HPSE2: variants seen among roughly 807,000 people sequenced by gnomAD.
The protein encoded by HPSE2 is inactive heparanase-2.
In HPSE2, 38 loss-of-function variants were observed where a neutral mutation model predicts 60.5. That is an observed-to-expected ratio of 0.63 (90% confidence interval 0.48 to 0.82). The LOEUF (loss-of-function observed/expected upper bound fraction) is 0.82, where lower values mean the gene tolerates loss of function less well. HPSE2 is among the 40% of genes least tolerant of loss of function. The pLI, the probability that HPSE2 is intolerant of heterozygous loss-of-function variation, is 0.00. For missense variants in HPSE2, 713 were observed against 740.4 expected, an observed-to-expected ratio of 0.96 and a Z score of 0.43; for synonymous variants, 295 against 293.2, an observed-to-expected ratio of 1.01 and a Z score of -0.06.
chr10:98,542,231 C>T (rs1480692944), intron 9 of HPSE2, among the ~76,000 whole-genome samples: 3 of 151,994 alleles, frequency 2.0e-5, no homozygotes, highest in Non-Finnish European at 4.4e-5. Flanking sequence ...CTGGAGTGGA[C>T]CTCTAGCAAA....
rs567638881 is a variant in HPSE2, at chr10:98,709,098, T to C, written c.956+12559A>G. Among the ~76,000 whole-genome samples, 3 of 152,366 alleles carry C rather than the reference T, an allele frequency of 2.0e-5. 1 individual carries two copies. Among genetic ancestry groups the C allele is most frequent in the Admixed American group, 2.0e-4 (3 of 15,296 alleles). ...CCAAAAAGATCATTATTTTCTTTGT[T>C]CAAATCTAACATTGATAGATTGTTC... On this transcript the variant is annotated intron_variant, in intron 5 of 11. Coordinates refer to ENST00000370552, the MANE Select transcript of HPSE2 (RefSeq NM_021828.5).
the HPSE2 span, among the ~76,000 whole-genome samples, chr10:99,280,569 C>T: frequency 2.6e-5 from 4 of 152,204 alleles, no homozygotes; most frequent in East Asian, 7.7e-4. Flanking sequence ...CTTTCCTAGA[C>T]TCTTAAGGAC....
At chr10:98,624,477 G>C (rs75670410) in intron 7 of HPSE2, among the ~76,000 whole-genome samples, 1,547 of 152,184 alleles carry the variant, frequency 0.01, 32 homozygotes, top group African/African-American at 0.035. Flanking sequence ...TTAAAAATGA[G>C]GTCAGAGAAG....
chr10:98,636,384 T>C (rs367774375), intron 7 of HPSE2, among the ~76,000 whole-genome samples: 1 of 151,998 alleles, frequency 6.6e-6, no homozygotes, highest in Non-Finnish European at 1.5e-5. Flanking sequence ...GGATTACATG[T>C]GCCTGCCACC....
At chr10:98,628,499 A>G (rs1006805719) in intron 7 of HPSE2, among the ~76,000 whole-genome samples, 4 of 152,216 alleles carry the variant, frequency 2.6e-5, no homozygotes, top group East Asian at 3.8e-4. Flanking sequence ...TGATGTGCCA[A>G]TGAAGGTTAT....
At chr10:98,994,492 G>C (rs146271252) in intron 3 of HPSE2, among the ~76,000 whole-genome samples, 2 of 151,976 alleles carry the variant, frequency 1.3e-5, no homozygotes, top group Non-Finnish European at 2.9e-5. Flanking sequence ...GGCATCATAG[G>C]CAAGTAGCTA....
At chr10:98,703,883 C>T (rs921809582) in intron 5 of HPSE2, among the ~76,000 whole-genome samples, 1 of 152,180 alleles carries the variant, frequency 6.6e-6, no homozygotes, top group Non-Finnish European at 1.5e-5. Context: ...TCTCTCACCA[C>T]TCCTATTCAA....
At chr10:98,600,907 G>GTA (rs1399673130) in intron 9 of HPSE2, among the ~76,000 whole-genome samples, 706 of 20,518 alleles carry the variant, frequency 0.034, 12 homozygotes, top group East Asian at 0.1. Context: ...ATATATGTGT[G>GTA]TGTGTATATA....
intron 3 of HPSE2, among the ~76,000 whole-genome samples, chr10:98,906,798 G>T (rs1564646861): frequency 6.6e-6 from 1 of 151,990 alleles, no homozygotes; most frequent in African/African-American, 2.4e-5. Flanking sequence ...CAGCTACTTG[G>T]GAGGCTGAGG....
At chr10:98,789,256 G>A (rs1950603374) in intron 3 of HPSE2, among the ~76,000 whole-genome samples, 2 of 152,282 alleles carry the variant, frequency 1.3e-5, no homozygotes, top group Admixed American at 6.5e-5. Flanking sequence ...AGTACTACGG[G>A]GAACTGTGAA....
chr10:98,928,915 C>T (rs1954563807), intron 3 of HPSE2, among the ~76,000 whole-genome samples: 1 of 139,548 alleles, frequency 7.2e-6, no homozygotes, highest in South Asian at 2.2e-4. Flanking sequence ...GTGCAGCGCA[C>T]CAGCATAGCA....
chr10:98,864,026 A>T (rs1317705851), intron 3 of HPSE2, among the ~76,000 whole-genome samples: 6 of 152,144 alleles, frequency 3.9e-5, no homozygotes, highest in African/African-American at 1.4e-4. Flanking sequence ...TTTGTGTGTA[A>T]ATGAATTAAA....
chr10:98,470,147 G>A (rs1036124376), intron 11 of HPSE2, among the ~76,000 whole-genome samples: 7 of 145,028 alleles, frequency 4.8e-5, no homozygotes, highest in East Asian at 4.1e-4. Context: ...GTTAACACAC[G>A]TTTTAAACAT....
At chr10:98,557,327 A>G (rs1046888098) in intron 9 of HPSE2, among the ~76,000 whole-genome samples, 3 of 152,230 alleles carry the variant, frequency 2.0e-5, no homozygotes, top group African/African-American at 7.2e-5. Flanking sequence ...CTTTACCTAT[A>G]TATGATCATC....
At chr10:98,505,345 A>G (rs867022897) in intron 9 of HPSE2, among the ~76,000 whole-genome samples, 2 of 152,204 alleles carry the variant, frequency 1.3e-5, no homozygotes, top group South Asian at 4.1e-4. Context: ...ACTCCAGGTG[A>G]TTCTGATGCT....
At chr10:99,173,333 T>C (rs1365628881) in intron 2 of HPSE2, among the ~76,000 whole-genome samples, 2 of 151,930 alleles carry the variant, frequency 1.3e-5, no homozygotes, top group Non-Finnish European at 2.9e-5. Context: ...AAGAAAGAGG[T>C]AAGAAAGGTT....
At chr10:98,987,329 A>C (rs1956389443) in intron 3 of HPSE2, among the ~76,000 whole-genome samples, 1 of 152,168 alleles carries the variant, frequency 6.6e-6, no homozygotes, top group Non-Finnish European at 1.5e-5. Flanking sequence ...CTGGGATGCA[A>C]GGCTGGTTCA....
At chr10:98,686,839 T>TC (rs1271075693) in intron 6 of HPSE2, among the ~76,000 whole-genome samples, 5 of 152,340 alleles carry the variant, frequency 3.3e-5, no homozygotes, top group South Asian at 4.1e-4. Context: ...TGTTTTACAG[T>TC]TGAGCATATG....
At chr10:99,075,519 T>A (rs1264280912) in intron 3 of HPSE2, among the ~76,000 whole-genome samples, 1 of 152,136 alleles carries the variant, frequency 6.6e-6, no homozygotes. Flanking sequence ...GGTTAAATAA[T>A]TGATATATGT....
Sources: allele counts gnomAD v4.1 joint callset (sites outside exome capture counted in the v4.1 genomes callset), GRCh38; gene constraint gnomAD v4.1.1; transcripts MANE v1.5; gene names NCBI Gene and HGNC (gene_info 2026-07-23, HGNC 2026-07-21).